Variants in EPHB3 observed in about 807,000 individuals in gnomAD.
EPHB3 encodes the protein ephrin type-B receptor 3.
EPHB3 carries 33 observed loss-of-function variants against 100.2 expected under a neutral mutation model. The observed-to-expected ratio is 0.33, with a 90% confidence interval of 0.25 to 0.44. EPHB3 has a LOEUF of 0.44. Among genes scored for constraint, EPHB3 ranks in the 20% least tolerant of loss-of-function variants. The probability of loss-of-function intolerance (pLI) is 1.00; values close to 1 mark genes in which losing one functional copy is unlikely to be tolerated. For missense variants in EPHB3, 1,045 were observed against 1,378.3 expected (o/e 0.76, Z 3.83); for synonymous variants, 526 against 554.7 (o/e 0.95, Z 0.73).
intron 3 of EPHB3, chr3:184,575,335 C>A: frequency 1.4e-6 from 1 of 695,056 alleles, no homozygotes; most frequent in Non-Finnish European, 1.8e-6. Flanking sequence ...CTGCTGCCTG[C>A]GCCTGGTGGG....
Position 184,573,809 on chromosome 3 carries a change from C to G in EPHB3, c.856+633C>G, listed in dbSNP as rs1018872705. ...CTTGGCTTGCTGCAACCTCCACCTC[C>G]CAGGTTCAAACAATTCTCCTGCCTC... On this transcript the variant is annotated intron_variant, in intron 3 of 15. Coordinates refer to ENST00000330394, the MANE Select transcript of EPHB3 (RefSeq NM_004443.4). The surrounding 1 kb of genome is among the most constrained non-coding windows in gnomAD (Gnocchi z 4.5). 7.2e-5 allele frequency among the ~76,000 whole-genome samples: 11 copies of G among 151,920 alleles called. No homozygotes were observed. Among genetic ancestry groups the G allele is most frequent in the African/African-American group, 2.4e-4 (10 of 41,336 alleles).
In EPHB3 at chr3:184,569,930, A is replaced by G. The variant is rs1379018098; in HGVS notation, c.119-1388A>G. Among the ~76,000 whole-genome samples, 1 of 152,246 alleles carries G rather than the reference A, an allele frequency of 6.6e-6. No homozygotes were observed. The highest frequency in any genetic ancestry group is 1.5e-5 in the Non-Finnish European group (1 of 68,044). On this transcript the variant is annotated intron_variant, in intron 1 of 15. Coordinates refer to ENST00000330394, the MANE Select transcript of EPHB3 (RefSeq NM_004443.4). This position sits in a 1 kb window ranked among gnomAD's most constrained non-coding sequence, Gnocchi z 5.4. ...TGCACTGTCTTCCAGGCCACGGGAA[A>G]GGAGTTGGCACCTCTTTCCTTCCTT...
At chr3:184,564,544 C>CTGT (rs989454340) in intron 1 of EPHB3, among the ~76,000 whole-genome samples, 2 of 152,186 alleles carry the variant, frequency 1.3e-5, no homozygotes, top group African/African-American at 4.8e-5. Context: ...CAAGGATTAG[C>CTGT]TGTTATTATT....
At position 184,572,814 on chromosome 3, in the gene EPHB3, G is replaced by A; in HGVS notation, c.494G>A (p.Ser165Asn). 1 of 1,576,460 alleles carries A rather than the reference G, an allele frequency of 6.3e-7. No homozygotes were observed. The highest frequency in any genetic ancestry group is 8.6e-7 in the Non-Finnish European group (1 of 1,161,734). ...VKVDTIAPDE[S>N]FSRLDAGRVN... Reference sequence around the variant, plus strand: ...GTGGACACCATTGCACCCGATGAGAGCTTCTCGCGGCTGGATGCCGGCCGT... The same window carrying A: ...GTGGACACCATTGCACCCGATGAGAACTTCTCGCGGCTGGATGCCGGCCGT... Residue 165 changes from serine (S) to asparagine (N), a missense_variant, in exon 3 of 16, where the codon AGC becomes AAC. Coordinates refer to ENST00000330394, the MANE Select transcript of EPHB3 (RefSeq NM_004443.4). The surrounding 1 kb of genome is among the most constrained non-coding windows in gnomAD (Gnocchi z 6.6).
chr3:184,580,501 G>A lies in EPHB3; in HGVS notation c.2272G>A (p.Asp758Asn). 2.5e-6 allele frequency: 4 copies of A among 1,614,210 alleles called. No individual in the cohort carries two copies. Among genetic ancestry groups the A allele is most frequent in the Non-Finnish European group, 3.4e-6 (4 of 1,180,030 alleles). Residue 758 changes from aspartate to asparagine, a missense_variant, in exon 12 of 16, where the codon GAC becomes AAC. Asp to Asn is a conservative substitution (Grantham distance 23). Around this residue, in one of 2 missense-constraint regions of EPHB3, gnomAD observed 985 missense variants for 1,331.1 expected, o/e 0.74. Coordinates refer to ENST00000330394, the MANE Select transcript of EPHB3 (RefSeq NM_004443.4). ...YLSEMNYVHR[D>N]LAARNILVNS... The stretch of plus-strand genomic sequence containing the variant: ...GTCCGAGATGAACTATGTGCACCGC[G>A]ACCTGGCTGCTCGCAACATCCTTGT...
rs753362245 is a variant in EPHB3, at chr3:184,571,390, T to A, written c.183+8T>A. The A allele has an allele frequency of 3.1e-6, 5 of 1,613,836 alleles. No homozygotes were observed. The highest frequency in any genetic ancestry group is 4.2e-6 in the Non-Finnish European group (5 of 1,179,804). ...TCTCATCCAGAAAGTGGGGTGAGGC[T>A]TTCCCATCATTCTCCTGAGTGTTGT... On this transcript the variant is annotated splice_region_variant and intron_variant, in intron 2 of 15. Coordinates refer to ENST00000330394, the MANE Select transcript of EPHB3 (RefSeq NM_004443.4). The surrounding 1 kb of genome is among the most constrained non-coding windows in gnomAD (Gnocchi z 5.0).
intron 1 of EPHB3, among the ~76,000 whole-genome samples, chr3:184,567,980 G>A (rs1464860788): frequency 1.3e-5 from 2 of 152,194 alleles, no homozygotes; most frequent in African/African-American, 4.8e-5. Context: ...GACAGACCAT[G>A]GCTCTGTGTG....
At position 184,579,486 on chromosome 3, in the gene EPHB3, G is replaced by T. The variant is rs1290115860; in HGVS notation, c.1811G>T (p.Gly604Val). 6.2e-7 allele frequency: 1 copy of T among 1,613,562 alleles called. No homozygotes were observed. The highest frequency in any genetic ancestry group is 1.1e-5 in the South Asian group (1 of 91,056). The change falls in exon 10 of 16, where the codon GGA becomes GTA. Residue 604 changes from glycine (G) to valine (V), a missense_variant. Gly to Val is a moderately radical substitution (Grantham distance 109, BLOSUM62 -3). Around this residue, in one of 2 missense-constraint regions of EPHB3, gnomAD observed 985 missense variants for 1,331.1 expected, o/e 0.74. Coordinates refer to ENST00000330394, the MANE Select transcript of EPHB3 (RefSeq NM_004443.4). This position sits in a 1 kb window ranked among gnomAD's most constrained non-coding sequence, Gnocchi z 5.2. ...CCTCTTCTCCCTCCAGTTGCTCCTGGAATGAAGGTTTATATTGACCCTTTT... is the reference window on the plus strand; with the variant it reads ...CCTCTTCTCCCTCCAGTTGCTCCTGTAATGAAGGTTTATATTGACCCTTTT... ...TEKLQQYIAP[G>V]MKVYIDPFTY...
Position 184,578,563 on chromosome 3 carries a change from A to G in EPHB3, c.1801+97A>G. ...GCCTGGGACTTCATTCCTTAGAGAT[A>G]AACCCTGAATGCCCCCTCCCACTTC... On this transcript the variant is annotated intron_variant, in intron 9 of 15. Coordinates refer to ENST00000330394, the MANE Select transcript of EPHB3 (RefSeq NM_004443.4). This position sits in a 1 kb window ranked among gnomAD's most constrained non-coding sequence, Gnocchi z 4.7. The G allele has an allele frequency of 6.6e-7, 1 of 1,517,984 alleles. No homozygotes were observed. Among genetic ancestry groups the G allele is most frequent in the South Asian group, 1.2e-5 (1 of 86,322 alleles). The allele number at this position is 1,517,984 out of a possible 1,614,324, so 94.0% of individuals were successfully genotyped here.
rs1457173675 is a variant in EPHB3 at position 184,579,987 on chromosome 3, C to T, written c.2172+53C>T. ...CTCCCCCAGAGAGTTGGATTGGGCTCACCATCCCCTCCCACAAGTCAGACA... is the reference window on the plus strand; with the variant it reads ...CTCCCCCAGAGAGTTGGATTGGGCTTACCATCCCCTCCCACAAGTCAGACA... On this transcript the variant is annotated intron_variant, in intron 11 of 15. Transcript: ENST00000330394. The surrounding 1 kb of genome is among the most constrained non-coding windows in gnomAD (Gnocchi z 5.2). 1 of 1,576,046 alleles carries T rather than the reference C, an allele frequency of 6.3e-7. No individual in the cohort carries two copies. Among genetic ancestry groups the T allele is most frequent in the Non-Finnish European group, 8.6e-7 (1 of 1,162,760 alleles).
chr3:184,562,231 C>A lies in EPHB3; in HGVS notation c.-5C>A. ...CCCGGCTCGGCTCCTAGAGCTGCCA[C>A]GGCCATGGCCAGAGCCCGCCCGCCG... On this transcript the variant is annotated 5_prime_UTR_variant, in exon 1 of 16. Coordinates refer to ENST00000330394, the MANE Select transcript of EPHB3 (RefSeq NM_004443.4). This position sits in a 1 kb window ranked among gnomAD's most constrained non-coding sequence, Gnocchi z 4.8. 2.2e-6 allele frequency: 2 copies of A among 889,342 alleles called. No individual in the cohort carries two copies. Among genetic ancestry groups the A allele is most frequent in the Non-Finnish European group, 2.8e-6 (2 of 705,726 alleles). 55.1% of individuals were successfully genotyped at this position (889,342 alleles called of 1,614,324 possible).
At position 184,568,885 on chromosome 3, in the gene EPHB3, C is replaced by CCCTT. The variant is rs759703137; in HGVS notation, c.119-2430_119-2429insTCCT. ...AGCGATGGCCAAGGGCCGATCCCCTCCCTCCCTCCCTCTCTCGCTCCCCAG... is the reference window on the plus strand; with the variant it reads ...AGCGATGGCCAAGGGCCGATCCCCTCCCTTCCTCCCTCCCTCTCTCGCTCCCCAG... On this transcript the variant is annotated intron_variant, in intron 1 of 15. Transcript: ENST00000330394. Among the ~76,000 whole-genome samples, 274 of 150,778 alleles carry CCCTT rather than the reference C, an allele frequency of 1.8e-3. 2 individuals carry two copies. Among genetic ancestry groups the CCCTT allele is most frequent in the South Asian group, 7.3e-3 (34 of 4,656 alleles).
Position 184,578,066 on chromosome 3 carries a change from A to AGCC in EPHB3, c.1748+61_1748+63dup. The AGCC allele has an allele frequency of 2.6e-6, 4 of 1,568,084 alleles. No homozygotes were observed. The highest frequency in any genetic ancestry group is 3.5e-6 in the Non-Finnish European group (4 of 1,146,982). On this transcript the variant is annotated intron_variant, in intron 8 of 15. Coordinates refer to ENST00000330394, the MANE Select transcript of EPHB3 (RefSeq NM_004443.4). The surrounding 1 kb of genome is among the most constrained non-coding windows in gnomAD (Gnocchi z 4.7). ...CTCGAACTGCCCTTTAGCATCCTAG[A>AGCC]GCCCTCATGCCACAGAGATGAGCCG...
Position 184,562,344 on chromosome 3 carries a change from G to A in EPHB3, c.109G>A (p.Ala37Thr). The A allele has an allele frequency of 8.1e-7, 1 of 1,235,264 alleles. No individual in the cohort carries two copies. The highest frequency in any genetic ancestry group is 4.2e-5 in the Admixed American group (1 of 23,946). The allele number at this position is 1,235,264 out of a possible 1,614,324, so 76.5% of individuals were successfully genotyped here. ...PLLLLPAGCR[A>T]LEETLMDTKW... ...GCTGCTGCTGCCCGCCGGCTGCCGG[G>A]CGCTGGAAGGTGAGCGGCGTCGGGG... The change falls in exon 1 of 16, where the codon GCG (alanine) becomes ACG (threonine). Residue 37 changes from alanine to threonine, a missense_variant. Transcript: ENST00000330394. This position sits in a 1 kb window ranked among gnomAD's most constrained non-coding sequence, Gnocchi z 4.8.
rs756380352 is a variant in EPHB3 at position 184,579,732 on chromosome 3, G to T, written c.1970G>T (p.Arg657Leu). ...CGTGGTCGACTGAAACAGCCTGGCC[G>T]CCGAGAGGTGTTTGTGGCCATCAAG... ...VCRGRLKQPG[R>L]REVFVAIKTL... is the part of the protein sequence containing the mutation. Residue 657 changes from arginine to leucine, a missense_variant, in exon 11 of 16, where the codon CGC becomes CTC. This residue lies in a region of EPHB3 where 985 missense variants were observed against 1,331.1 expected (regional missense o/e 0.74). Coordinates refer to ENST00000330394, the MANE Select transcript of EPHB3 (RefSeq NM_004443.4). The surrounding 1 kb of genome is among the most constrained non-coding windows in gnomAD (Gnocchi z 5.2). The T allele has an allele frequency of 6.2e-7, 1 of 1,612,966 alleles. No individual in the cohort carries two copies. Among genetic ancestry groups the T allele is most frequent in the African/African-American group, 1.3e-5 (1 of 74,870 alleles).
In EPHB3 at chr3:184,573,226, C is replaced by T; in HGVS notation, c.856+50C>T. 6.3e-7 allele frequency: 1 copy of T among 1,599,428 alleles called. No homozygotes were observed. The highest frequency in any genetic ancestry group is 8.5e-7 in the Non-Finnish European group (1 of 1,178,028). ...AGGGTTGTCGGGAGGGCCTGGGCCA[C>T]AGCTACCTACCGCCCCGCCCCCCAC... On this transcript the variant is annotated intron_variant, in intron 3 of 15. Coordinates refer to ENST00000330394, the MANE Select transcript of EPHB3 (RefSeq NM_004443.4). The surrounding 1 kb of genome is among the most constrained non-coding windows in gnomAD (Gnocchi z 4.5).
Position 184,565,374 on chromosome 3 carries a change from C to T in EPHB3, c.118+3021C>T, listed in dbSNP as rs576646247. Among the ~76,000 whole-genome samples, 201 of 152,306 alleles carry T rather than the reference C, an allele frequency of 1.3e-3. 1 individual carries two copies. The highest frequency in any genetic ancestry group is 3.4e-3 in the Middle Eastern group (1 of 294). On this transcript the variant is annotated intron_variant, in intron 1 of 15. Coordinates refer to ENST00000330394, the MANE Select transcript of EPHB3 (RefSeq NM_004443.4). The surrounding 1 kb of genome is among the most constrained non-coding windows in gnomAD (Gnocchi z 4.8). Reference sequence around the variant, plus strand: ...TCAGGGGGTGGGGTCCAATGGGGAACAGACTAGGAATGGGGCCTGAGATGA... The same window carrying T: ...TCAGGGGGTGGGGTCCAATGGGGAATAGACTAGGAATGGGGCCTGAGATGA...
Position 184,580,731 on chromosome 3 carries a change from C to T in EPHB3, c.2391C>T (p.Gly797=), listed in dbSNP as rs368784730. 63 of 1,613,536 alleles carry T rather than the reference C, an allele frequency of 3.9e-5. No homozygotes were observed. Among genetic ancestry groups the T allele is most frequent in the Non-Finnish European group, 4.8e-5 (57 of 1,179,780 alleles). ...AGGGCCTGTGCCCCCCTCACCAGGG[C>T]GGGAAGATCCCCATCCGCTGGACTG... is the stretch of plus-strand genomic sequence containing the variant. The part of the protein sequence containing the change: ...PSDPTYTSSL[G]GKIPIRWTAP... The change falls in exon 13 of 16, where the codon GGC becomes GGT. Residue 797 remains glycine (G), a splice_region_variant and synonymous_variant. Coordinates refer to ENST00000330394, the MANE Select transcript of EPHB3 (RefSeq NM_004443.4).
At chr3:184,564,283 G>A (rs963885210) in intron 1 of EPHB3, among the ~76,000 whole-genome samples, 2 of 152,198 alleles carry the variant, frequency 1.3e-5, no homozygotes, top group African/African-American at 2.4e-5. Flanking sequence ...GGGAAGCAGC[G>A]GTGCCTACAA....
Sources: allele counts gnomAD v4.1 joint callset (sites outside exome capture counted in the v4.1 genomes callset), GRCh38; gene constraint gnomAD v4.1.1; regional missense constraint gnomAD v4.1.1; non-coding constraint Gnocchi (gnomAD v3.1); transcripts MANE v1.5; gene names NCBI Gene and HGNC (gene_info 2026-07-23, HGNC 2026-07-21).